The following ANO4 variants were observed in gnomAD, a reference collection of about 807,000 sequenced individuals.
ANO4 encodes the protein anoctamin 4.
Under a neutral mutation model 141.9 loss-of-function variants are expected in ANO4, and 69 were observed. The ratio of observed to expected loss-of-function variants is 0.49; its 90% CI spans 0.40 to 0.59. ANO4 has a LOEUF of 0.59. Among genes scored for constraint, ANO4 ranks in the 20% least tolerant of loss-of-function variants. The pLI is 0.00. For synonymous variants in ANO4, 350 were observed against 394.3 expected (o/e 0.89, Z 1.33); for missense variants, 894 against 1,162.2 (o/e 0.77, Z 3.36).
chr12:101,058,294 G>A (rs962989203), intron 14 of ANO4, among the ~76,000 whole-genome samples: 8 of 152,086 alleles, frequency 5.3e-5, no homozygotes, highest in South Asian at 2.1e-4. Context: ...GTCAGGTAGC[G>A]TGATGCCTCC....
intron 14 of ANO4, among the ~76,000 whole-genome samples, chr12:101,065,278 T>C (rs1253935728): frequency 1.3e-5 from 2 of 152,170 alleles, no homozygotes; most frequent in East Asian, 3.9e-4. Context: ...GTAGTATCTG[T>C]GGCATCTTCT....
intron 3 of ANO4, among the ~76,000 whole-genome samples, chr12:100,741,039 T>C (rs1279493572): frequency 6.6e-6 from 1 of 152,232 alleles, no homozygotes. Flanking sequence ...GCTTACAACA[T>C]CCTGCCTTAA....
At chr12:100,787,261 T>C (rs1565875069) in intron 3 of ANO4, among the ~76,000 whole-genome samples, 1 of 152,096 alleles carries the variant, frequency 6.6e-6, no homozygotes, top group Non-Finnish European at 1.5e-5. Flanking sequence ...AGAAAGATGC[T>C]TGGGTGGTCC....
chr12:100,858,950 A>G (rs1168922942), intron 1 of ANO4: 3 of 152,216 alleles, frequency 2.0e-5, no homozygotes, highest in Non-Finnish European at 2.9e-5. Flanking sequence ...AAAAGAAGTC[A>G]TTATGTATCT....
chr12:100,891,750 C>T (rs2040118904), intron 1 of ANO4, among the ~76,000 whole-genome samples: 1 of 152,092 alleles, frequency 6.6e-6, no homozygotes, highest in Admixed American at 6.6e-5. Context: ...ACATACTTGT[C>T]AATTTTTATG....
At chr12:100,816,846 A>G (rs367878352) in intron 1 of ANO4, among the ~76,000 whole-genome samples, 1 of 151,848 alleles carries the variant, frequency 6.6e-6, no homozygotes, top group Non-Finnish European at 1.5e-5. Context: ...AAACTTTTCA[A>G]TTGTAAGTTT....
At chr12:100,982,006 T>C (rs2044486580) in intron 7 of ANO4, among the ~76,000 whole-genome samples, 1 of 152,196 alleles carries the variant, frequency 6.6e-6, no homozygotes. Context: ...TTGCTTATAC[T>C]GTATTGTCAG....
chr12:100,975,846 G>A (rs1180522171), intron 7 of ANO4, among the ~76,000 whole-genome samples: 2 of 151,244 alleles, frequency 1.3e-5, no homozygotes, highest in African/African-American at 4.9e-5. Context: ...TCATGAGTGG[G>A]GTCCTCCTAT....
chr12:100,964,501 C>T lies in ANO4; in HGVS notation c.457-6805C>T, dbSNP rs533754807. ...AATCCAAGAGGCTTATCTGAGTTTC[C>T]AATTAGAAATTAATATCTCCTCCTA... On this transcript the variant is annotated intron_variant, in intron 5 of 27. Coordinates refer to ENST00000392977, the MANE Select transcript of ANO4 (RefSeq NM_001286615.2). Among the ~76,000 whole-genome samples, 5 of 152,060 alleles carry T rather than the reference C, an allele frequency of 3.3e-5. No homozygotes were observed. The South Asian group carries it at 1.0e-3, about 32-fold the overall frequency.
intron 5 of ANO4, among the ~76,000 whole-genome samples, chr12:100,956,734 T>G (rs1252567764): frequency 2.6e-5 from 4 of 152,226 alleles, no homozygotes; most frequent in Admixed American, 6.5e-5. Context: ...AAGGGTAACC[T>G]GTTACAGGCG....
intron 8 of ANO4, among the ~76,000 whole-genome samples, chr12:101,000,999 A>G (rs924843811): frequency 2.0e-5 from 3 of 152,234 alleles, no homozygotes; most frequent in African/African-American, 7.2e-5. Context: ...ATATTGTACT[A>G]TAATAGAAAA....
chr12:100,989,676 T>C (rs1592942346), intron 8 of ANO4, among the ~76,000 whole-genome samples: 2 of 145,430 alleles, frequency 1.4e-5, no homozygotes, highest in Admixed American at 1.4e-4. Context: ...GATACATGGA[T>C]AAGTCACTGG....
At chr12:100,748,339 A>G (rs548460967) in intron 3 of ANO4, among the ~76,000 whole-genome samples, 1 of 152,310 alleles carries the variant, frequency 6.6e-6, no homozygotes, top group South Asian at 2.1e-4. Flanking sequence ...TGACCACGAG[A>G]TGCAGAGTAA....
chr12:100,929,748 C>T (rs2042015035), intron 3 of ANO4, among the ~76,000 whole-genome samples: 1 of 152,088 alleles, frequency 6.6e-6, no homozygotes, highest in Non-Finnish European at 1.5e-5. Context: ...TGAGGGTTCC[C>T]TCTTCTCCAC....
At chr12:100,830,953 A>C (rs1011186453) in intron 1 of ANO4, among the ~76,000 whole-genome samples, 2 of 152,014 alleles carry the variant, frequency 1.3e-5, no homozygotes, top group African/African-American at 4.8e-5. Flanking sequence ...TCTGTCTCTT[A>C]TGGAAAGTAA....
At chr12:101,071,101 A>G (rs1337904494) in intron 14 of ANO4, among the ~76,000 whole-genome samples, 1 of 152,208 alleles carries the variant, frequency 6.6e-6, no homozygotes, top group Non-Finnish European at 1.5e-5. Flanking sequence ...ACTATGAAGA[A>G]AAGTTTCGAG....
At chr12:100,730,149 G>C (rs1429804486) in intron 1 of ANO4, among the ~76,000 whole-genome samples, 1 of 152,122 alleles carries the variant, frequency 6.6e-6, no homozygotes, top group Admixed American at 6.6e-5. Context: ...CCCTAGAGAA[G>C]GGTTTAGAAA....
At chr12:101,111,801 TG>T in intron 24 of ANO4, 91 bp downstream of exon 24, 1 of 1,185,992 alleles carries the variant, frequency 8.4e-7, no homozygotes, top group South Asian at 2.3e-5. Flanking sequence ...CTGGAGAATA[TG>T]GAATACATGC....
In ANO4 at chr12:100,835,615, G is replaced by A. The variant is rs187775284; in HGVS notation, c.-141+40588G>A. On this transcript the variant is annotated intron_variant, in intron 1 of 27. Transcript: ENST00000392977. ...TAGTTGATTATTTTACTGCAATTTA[G>A]GGGTTTGATTTACTGGCTTATTTGT... Among the ~76,000 whole-genome samples the A allele has an allele frequency of 2.6e-3, 401 of 152,206 alleles. 2 individuals are homozygous for A. Among genetic ancestry groups the A allele is most frequent in the East Asian group, 0.018 (93 of 5,164 alleles).
Sources: gnomAD v4.1 joint callset for allele counts (sites outside exome capture counted in the v4.1 genomes callset) on GRCh38, gnomAD v4.1.1 for gene constraint, MANE v1.5 for transcripts, NCBI Gene and HGNC (gene_info 2026-07-23, HGNC 2026-07-21) for gene names.